Variants in TYW1B observed in about 807,000 individuals in gnomAD.
TYW1B encodes S-adenosyl-L-methionine-dependent tRNA 4-demethylwyosine synthase TYW1B.
TYW1B carries 73 observed loss-of-function variants against 86.9 expected under a neutral mutation model. That is an observed-to-expected ratio of 0.84 (90% CI 0.70 to 1.02). The LOEUF (loss-of-function observed/expected upper bound fraction) is 1.02, where lower values mean the gene tolerates loss of function less well. Ranked by LOEUF, TYW1B falls within the 50% of genes least tolerant of loss-of-function variation. The probability of loss-of-function intolerance (pLI) is 0.00; values close to 1 mark genes in which losing one functional copy is unlikely to be tolerated. For missense variants in TYW1B, 637 were observed against 827.4 expected (o/e 0.77, Z 2.82); for synonymous variants, 248 against 292.8 (o/e 0.85, Z 1.56).
At chr7:72,661,235 G>T (rs1554237357) in intron 11 of TYW1B, among the ~76,000 whole-genome samples, 1 of 52,396 alleles carries the variant, frequency 1.9e-5, no homozygotes, top group Non-Finnish European at 5.5e-5. Context: ...CTGGTGGGGG[G>T]CGGGGGGGCA....
chr7:72,804,598 G>A (rs1188958912), intron 5 of TYW1B, among the ~76,000 whole-genome samples: 1 of 152,206 alleles, frequency 6.6e-6, no homozygotes, highest in Admixed American at 6.5e-5. Flanking sequence ...AACACTTTGG[G>A]AGGCCAAGGC....
intron 8 of TYW1B, among the ~76,000 whole-genome samples, chr7:72,730,930 C>CAAAAAAAAAAAAAAAAAA (rs71071907): frequency 8.9e-6 from 1 of 112,340 alleles, no homozygotes; most frequent in African/African-American, 3.3e-5. Context: ...GATTAAATGC[C>CAAAAAAAAAAAAAAAAAA]AAAAAAAAAA....
intron 8 of TYW1B, among the ~76,000 whole-genome samples, chr7:72,742,730 A>G (rs1353278026): frequency 6.7e-6 from 1 of 149,400 alleles, no homozygotes; most frequent in African/African-American, 2.4e-5. Context: ...CCCAATAATC[A>G]TAACAAAATA....
intron 7 of TYW1B, among the ~76,000 whole-genome samples, chr7:72,774,074 A>G (rs1474144937): frequency 1.3e-5 from 2 of 151,216 alleles, no homozygotes; most frequent in African/African-American, 2.4e-5. Context: ...AAAAAAAAAA[A>G]AAAAAAAGAA....
intron 6 of TYW1B, among the ~76,000 whole-genome samples, chr7:72,791,397 G>A (rs1160461206): frequency 3.9e-5 from 5 of 128,182 alleles, no homozygotes; most frequent in East Asian, 4.5e-4. Context: ...CAGCATTAAA[G>A]ACTGATGCTA....
chr7:72,685,908 T>C (rs2129570069), intron 11 of TYW1B, among the ~76,000 whole-genome samples: 1 of 152,156 alleles, frequency 6.6e-6, no homozygotes, highest in African/African-American at 2.4e-5. Flanking sequence ...CATAAAGGAC[T>C]CCAAAATATA....
chr7:72,756,201 T>TTTTTATTTTATTTTA (rs66806955), intron 7 of TYW1B, among the ~76,000 whole-genome samples: 3,105 of 138,834 alleles, frequency 0.022, 57 homozygotes, highest in Middle Eastern at 0.04. Flanking sequence ...GTTTATTATT[T>TTTTTATTTTATTTTA]TTTTATTTTA....
At chr7:72,778,088 A>G (rs782464598) in intron 6 of TYW1B, among the ~76,000 whole-genome samples, 12 of 152,192 alleles carry the variant, frequency 7.9e-5, no homozygotes, top group Non-Finnish European at 1.3e-4. Flanking sequence ...AAACATACAC[A>G]TCCAAAAACC....
In TYW1B at chr7:72,810,378, G is replaced by A. The variant is rs1788583251; in HGVS notation, c.432+93C>T. The A allele has an allele frequency of 7.1e-6, 9 of 1,267,490 alleles. No individual in the cohort carries two copies. In the South Asian group the frequency reaches 1.3e-4, roughly 18 times the overall value. 78.5% of individuals were successfully genotyped at this position (1,267,490 alleles called of 1,614,324 possible). A position where few individuals can be genotyped will look rare whatever the true frequency, so the allele number is the denominator to read the frequency against. ...CATGTGTGTTTATGTGTGTGTACGT[G>A]TGTGCACGTGTGTTTGTGTGTGTGT... On this transcript the variant is annotated intron_variant, in intron 4 of 13. Coordinates refer to ENST00000620995, the MANE Select transcript of TYW1B (RefSeq NM_001145440.3).
intron 8 of TYW1B, among the ~76,000 whole-genome samples, chr7:72,742,550 C>T (rs1787323790): frequency 6.6e-6 from 1 of 152,094 alleles, no homozygotes; most frequent in South Asian, 2.1e-4. Context: ...TAATTTGTGA[C>T]AATGACATAA....
chr7:72,687,995 T>C (rs1264659555), intron 11 of TYW1B, among the ~76,000 whole-genome samples: 1 of 152,116 alleles, frequency 6.6e-6, no homozygotes, highest in Non-Finnish European at 1.5e-5. Context: ...AAGACCAGCT[T>C]GGGCAACAAA....
chr7:72,685,586 G>T (rs565962133), intron 11 of TYW1B, among the ~76,000 whole-genome samples: 1 of 137,956 alleles, frequency 7.2e-6, no homozygotes, highest in South Asian at 2.4e-4. Flanking sequence ...AACAAATAGT[G>T]CTGGAACTAG....
chr7:72,777,631 T>C (rs1787979885), intron 6 of TYW1B, 98 bp from the exon 7 acceptor site: 1 of 1,460,172 alleles, frequency 6.8e-7, no homozygotes, highest in Non-Finnish European at 9.3e-7. Flanking sequence ...AGGTCCATTA[T>C]GAGGCTGGGC....
intron 6 of TYW1B, among the ~76,000 whole-genome samples, chr7:72,798,832 T>G (rs1427981573): frequency 6.6e-6 from 1 of 152,172 alleles, no homozygotes; most frequent in Non-Finnish European, 1.5e-5. Flanking sequence ...TGAGAAATGT[T>G]TATCAGTGTA....
At chr7:72,816,788 G>A (rs1788731610) in intron 2 of TYW1B, among the ~76,000 whole-genome samples, 1 of 152,206 alleles carries the variant, frequency 6.6e-6, no homozygotes, top group Non-Finnish European at 1.5e-5. Flanking sequence ...AATGGAGACT[G>A]TTGACTTGGT....
At chr7:72,599,753 A>G (rs1198832755) in intron 13 of TYW1B, among the ~76,000 whole-genome samples, 2 of 152,160 alleles carry the variant, frequency 1.3e-5, no homozygotes, top group Admixed American at 1.3e-4. Flanking sequence ...GCAAGGAACA[A>G]CTGGAATTTG....
chr7:72,722,936 G>A (rs1786931100), intron 9 of TYW1B: 5 of 712,230 alleles, frequency 7.0e-6, no homozygotes, highest in African/African-American at 1.8e-5. Flanking sequence ...CACACCCAGC[G>A]CTTCGACCTT....
chr7:72,826,963 G>C lies in TYW1B; in HGVS notation c.27C>G (p.Asp9Glu). 6.2e-7 allele frequency: 1 copy of C among 1,611,584 alleles called. No homozygotes were observed. The highest frequency in any genetic ancestry group is 8.5e-7 in the Non-Finnish European group (1 of 1,179,280). The change falls in exon 2 of 14, where the codon GAC (aspartate) becomes GAG (glutamate). Residue 9 changes from aspartate to glutamate, a missense_variant. Transcript: ENST00000620995. Reference sequence around the variant, plus strand: ...ATAATGATATTAAAGGTGAGGAGAGGTCCCATGTATCCGCAGAAGGATCTA... The same window carrying C: ...ATAATGATATTAAAGGTGAGGAGAGCTCCCATGTATCCGCAGAAGGATCTA... MDPSADTW[D>E]LSSPLISLWI...
chr7:72,769,968 TACTC>T (rs1441488334), intron 7 of TYW1B, among the ~76,000 whole-genome samples: 3 of 151,948 alleles, frequency 2.0e-5, no homozygotes, highest in African/African-American at 7.3e-5. Flanking sequence ...TAATCCCACT[TACTC>T]AGGAGACTGA....
Sources: allele counts gnomAD v4.1 joint callset (sites outside exome capture counted in the v4.1 genomes callset), GRCh38; gene constraint gnomAD v4.1.1; transcripts MANE v1.5; gene names NCBI Gene and HGNC (gene_info 2026-07-23, HGNC 2026-07-21).